The following DLG5 variants were observed in gnomAD, a reference collection of about 807,000 sequenced individuals.
DLG5 encodes disks large homolog 5.
Under a neutral mutation model 189.8 loss-of-function variants are expected in DLG5, and 48 were observed. The ratio of observed to expected loss-of-function variants is 0.25; its 90% CI spans 0.20 to 0.32. The LOEUF is 0.32. DLG5 is among the 10% of genes least tolerant of loss of function. DLG5 has a pLI of 1.00. For missense variants in DLG5, 2,160 were observed against 2,544.7 expected, an observed-to-expected ratio of 0.85 and a Z score of 3.25; for synonymous variants, 1,016 against 1,054.1, an observed-to-expected ratio of 0.96 and a Z score of 0.70.
chr10:77,922,753 CACAAAATCCTGAATG>C (rs1048382253), intron 1 of DLG5, among the ~76,000 whole-genome samples: 1 of 152,196 alleles, frequency 6.6e-6, no homozygotes, highest in Admixed American at 6.5e-5. Flanking sequence ...GAAGATAGGA[CACAAAATCCTGAATG>C]ACAATGCCCT....
At chr10:77,936,938 C>A in the DLG5 span, among the ~76,000 whole-genome samples, 5 of 151,946 alleles carry the variant, frequency 3.3e-5, no homozygotes, top group Non-Finnish European at 4.4e-5. Flanking sequence ...GTTACTTCTC[C>A]CAAAGGATTG....
rs188585181 is a variant in DLG5, at chr10:77,832,964, G to T, written c.1748+950C>A. Among the ~76,000 whole-genome samples, 13 of 152,188 alleles carry T rather than the reference G, an allele frequency of 8.5e-5. No individual in the cohort carries two copies. In the East Asian group the frequency reaches 2.1e-3, roughly 25 times the overall value. Reference sequence around the variant, plus strand: ...TGTCTCATTAGGAATTTTACTGAATGGGAAAGAAGAGAAGCTGTCACTCCC... The same window carrying T: ...TGTCTCATTAGGAATTTTACTGAATTGGAAAGAAGAGAAGCTGTCACTCCC... On this transcript the variant is annotated intron_variant, in intron 9 of 31. Transcript: ENST00000372391.
At chr10:77,793,234 G>C (rs1460897085) in intron 31 of DLG5, 2 of 152,704 alleles carry the variant, frequency 1.3e-5, no homozygotes, top group African/African-American at 2.4e-5. Flanking sequence ...CTAAATACCA[G>C]TCTGTGAGGA....
chr10:77,875,105 T>A (rs757381764), intron 1 of DLG5, among the ~76,000 whole-genome samples: 3 of 152,180 alleles, frequency 2.0e-5, no homozygotes, highest in Admixed American at 1.3e-4. Context: ...AAAAATTAAT[T>A]TGCTGAAGGT....
At position 77,809,717 on chromosome 10, in the gene DLG5, C is replaced by T. The variant is rs138734012; in HGVS notation, c.4477G>A (p.Ala1493Thr). Residue 1493 changes from alanine (A) to threonine (T), a missense_variant, in exon 24 of 32, where the codon GCC becomes ACC. By Grantham distance (58) the Ala-to-Thr change is moderately conservative. Transcript: ENST00000372391. ...KQSSSRIAGD[A>T]NKKTLEPRVV... Reference sequence around the variant, plus strand: ...CGTGGCTCCAGGGTCTTCTTGTTGGCATCTCCCGCAATCCTTTCAGGAAAA... The same window carrying T: ...CGTGGCTCCAGGGTCTTCTTGTTGGTATCTCCCGCAATCCTTTCAGGAAAA... The T allele has an allele frequency of 2.5e-6, 4 of 1,612,522 alleles. No homozygotes were observed. The South Asian group carries it at 3.3e-5, about 13-fold the overall frequency.
chr10:77,855,235 G>A (rs1054400806), intron 3 of DLG5, among the ~76,000 whole-genome samples: 4 of 152,140 alleles, frequency 2.6e-5, no homozygotes, highest in Admixed American at 6.5e-5. Context: ...TCAGAGTGGG[G>A]TTCCCAGACC....
chr10:77,812,091 G>T (rs1327392186), intron 21 of DLG5, 34 bp from the exon 22 acceptor site: 4 of 1,605,012 alleles, frequency 2.5e-6, no homozygotes, highest in Non-Finnish European at 3.4e-6. Context: ...CAGTGGGGGG[G>T]TCGGGGCTGT....
At chr10:77,814,459 GTTTATATA>G (rs1841937444) in intron 20 of DLG5, among the ~76,000 whole-genome samples, 1 of 74,704 alleles carries the variant, frequency 1.3e-5, no homozygotes, top group Non-Finnish European at 2.6e-5. Context: ...AATAAAGCAT[GTTTATATA>G]TATATATATA....
In DLG5 at chr10:77,926,534, GCCGCC is replaced by G. The variant is rs1429407326; in HGVS notation, c.-19_-15del. 2.4e-6 allele frequency: 3 copies of G among 1,260,090 alleles called. No homozygotes were observed. In the Admixed American group the frequency reaches 1.3e-4, roughly 53 times the overall value. 78.1% of individuals were successfully genotyped at this position (1,260,090 alleles called of 1,614,324 possible). A position where few individuals can be genotyped will look rare whatever the true frequency, so the allele number is the denominator to read the frequency against. ...CTGGGGCTCCATGGTGGCGGGCCGC[GCCGCC>G]CCGCCCCGCCGGACGCCTCCCGGGC... On this transcript the variant is annotated 5_prime_UTR_variant, in exon 1 of 32. Transcript: ENST00000372391. This position sits in a 1 kb window ranked among gnomAD's most constrained non-coding sequence, Gnocchi z 5.2.
At position 77,807,860 on chromosome 10, in the gene DLG5, C is replaced by A; in HGVS notation, c.4732G>T (p.Val1578Leu). ...LKPRDGVRLK[V>L]QYRPEEFTKA... The stretch of plus-strand genomic sequence containing the variant: ...GTGAACTCCTCAGGGCGGTACTGCA[C>A]CTTCAGGCGGACGCCATCCCTGGGC... Residue 1578 changes from valine to leucine, a missense_variant, in exon 25 of 32, where the codon GTG becomes TTG. This residue lies in a region of DLG5 where 574 missense variants were observed against 644.2 expected (regional missense o/e 0.89). Coordinates refer to ENST00000372391, the MANE Select transcript of DLG5 (RefSeq NM_004747.4). 1.2e-6 allele frequency: 2 copies of A among 1,614,232 alleles called. No individual in the cohort carries two copies. Among genetic ancestry groups the A allele is most frequent in the Non-Finnish European group, 8.5e-7 (1 of 1,180,038 alleles).
intron 20 of DLG5, chr10:77,815,970 T>G: frequency 2.6e-6 from 1 of 384,086 alleles, no homozygotes; most frequent in Non-Finnish European, 5.2e-6. Flanking sequence ...ACCTGAAACC[T>G]AAGATGGACC....
chr10:77,794,931 G>A lies in DLG5; in HGVS notation c.5464C>T (p.Pro1822Ser), dbSNP rs1840833690. Residue 1822 changes from proline (P) to serine (S), a missense_variant, in exon 30 of 32, where the codon CCG becomes TCG. Physicochemically the swap from Pro to Ser is moderately conservative, Grantham distance 74. Around this residue, in one of 5 missense-constraint regions of DLG5, gnomAD observed 574 missense variants for 644.2 expected, o/e 0.89. Transcript: ENST00000372391. Reference protein sequence around the residue: ...KNRHCLLDIAPHAIERLHHMH... With the variant: ...KNRHCLLDIASHAIERLHHMH... Reference sequence around the variant, plus strand: ...TGGTGGAGCCGCTCAATAGCGTGCGGAGCAATGTCCAGGAGGCAGTGTCGG... The same window carrying A: ...TGGTGGAGCCGCTCAATAGCGTGCGAAGCAATGTCCAGGAGGCAGTGTCGG... 1.2e-6 allele frequency: 2 copies of A among 1,613,894 alleles called. No homozygotes were observed. Among genetic ancestry groups the A allele is most frequent in the Non-Finnish European group, 8.5e-7 (1 of 1,180,028 alleles).
chr10:77,926,986 C>T, upstream of DLG5: 1 of 371,292 alleles, frequency 2.7e-6, no homozygotes, highest in Non-Finnish European at 5.5e-6. This position sits in a 1 kb window ranked among gnomAD's most constrained non-coding sequence, Gnocchi z 5.2. Context: ...GTTTCCCAGG[C>T]TCCCGACAGC....
At chr10:77,825,609 G>A (rs756206082) in intron 13 of DLG5, among the ~76,000 whole-genome samples, 2 of 151,456 alleles carry the variant, frequency 1.3e-5, no homozygotes, top group Non-Finnish European at 2.9e-5. Context: ...AGGCTGAAGT[G>A]CAGAGGCATG....
chr10:77,795,611 G>T (rs1378651789), intron 29 of DLG5, among the ~76,000 whole-genome samples: 1 of 152,066 alleles, frequency 6.6e-6, no homozygotes, highest in African/African-American at 2.4e-5. Flanking sequence ...CCCCGCCCTC[G>T]TGCTGCCTAG....
intron 1 of DLG5, among the ~76,000 whole-genome samples, chr10:77,924,186 G>A (rs1846618148): frequency 6.6e-6 from 1 of 152,152 alleles, no homozygotes; most frequent in Non-Finnish European, 1.5e-5. Context: ...AATGCATTAA[G>A]TAAAATGAAC....
At chr10:77,842,810 GGA>G (rs1439622494) in intron 6 of DLG5, among the ~76,000 whole-genome samples, 1 of 152,196 alleles carries the variant, frequency 6.6e-6, no homozygotes, top group Non-Finnish European at 1.5e-5. Flanking sequence ...GCCCCCTCTT[GGA>G]GAGTCTGTCT....
chr10:77,908,985 G>A (rs967192278), intron 1 of DLG5, among the ~76,000 whole-genome samples: 3 of 152,186 alleles, frequency 2.0e-5, no homozygotes, highest in African/African-American at 7.2e-5. Context: ...GAAAACCTTT[G>A]AAACACAACA....
intron 5 of DLG5, among the ~76,000 whole-genome samples, chr10:77,843,941 A>G (rs1471163189): frequency 6.6e-6 from 1 of 152,174 alleles, no homozygotes; most frequent in Non-Finnish European, 1.5e-5. Context: ...TGTGCAGAAC[A>G]GTTAACACAG....
Sources: gnomAD v4.1 joint callset for allele counts (sites outside exome capture counted in the v4.1 genomes callset) on GRCh38, gnomAD v4.1.1 for gene constraint, gnomAD v4.1.1 regional missense constraint, Gnocchi (gnomAD v3.1) non-coding constraint, MANE v1.5 for transcripts, NCBI Gene and HGNC (gene_info 2026-07-23, HGNC 2026-07-21) for gene names.